The following RPS6KA6 variants were observed in gnomAD, a reference collection of about 807,000 sequenced individuals.
RPS6KA6 encodes ribosomal protein S6 kinase alpha-6.
RPS6KA6 carries 27 observed loss-of-function variants against 65.4 expected under a neutral mutation model. The ratio of observed to expected loss-of-function variants is 0.41; its 90% CI spans 0.30 to 0.57. RPS6KA6 has a LOEUF of 0.57. RPS6KA6 is among the 20% of genes least tolerant of loss of function. The pLI is 0.24. For synonymous variants in RPS6KA6, 190 were observed against 184.2 expected (o/e 1.03, Z -0.26); for missense variants, 486 against 555.6 (o/e 0.87, Z 1.26).
chrX:84,097,181 A>C (rs1399517387), intron 19 of RPS6KA6, among the ~76,000 whole-genome samples: 1 of 111,668 alleles, frequency 9.0e-6, no homozygotes, highest in African/African-American at 3.2e-5. Context: ...CTACATCCAT[A>C]AGTTTTCACT....
chrX:84,128,902 C>T (rs1445868896), intron 8 of RPS6KA6, among the ~76,000 whole-genome samples: 1 of 111,670 alleles, frequency 9.0e-6, no homozygotes, highest in Non-Finnish European at 1.9e-5. Flanking sequence ...TACAAGAAAA[C>T]ATTGGATAAA....
In RPS6KA6 at chrX:84,079,574, G is replaced by A. The variant is rs774262056; in HGVS notation, c.1972-14463C>T. On this transcript the variant is annotated intron_variant, in intron 20 of 21. Transcript: ENST00000262752. ...AGAGCCCAGCAAGCTAAGATCCACTGGCTTGAAATTCTCGCTGCCAGCACA... is the reference window on the plus strand; with the variant it reads ...AGAGCCCAGCAAGCTAAGATCCACTAGCTTGAAATTCTCGCTGCCAGCACA... 1.0e-3 allele frequency among the ~76,000 whole-genome samples: 112 copies of A among 111,716 alleles called. 1 individual carries two copies. The South Asian group carries it at 0.012, about 12-fold the overall frequency.
At chrX:84,099,277 G>A (rs1056844858) in intron 18 of RPS6KA6, among the ~76,000 whole-genome samples, 3 of 111,395 alleles carry the variant, frequency 2.7e-5, no homozygotes, top group African/African-American at 9.7e-5. Flanking sequence ...AGAAGAAACA[G>A]TCCACTTTTT....
intron 5 of RPS6KA6, 100 bp from the exon 6 acceptor site, chrX:84,145,657 C>T: frequency 2.3e-6 from 1 of 433,129 alleles, no homozygotes; most frequent in Non-Finnish European, 3.8e-6. Context: ...ACAGTATTTA[C>T]TCACATGGTT....
Position 84,063,420 on chromosome X carries a change from A to G in RPS6KA6, c.*857T>C. The G allele has an allele frequency of 9.0e-6, 1 of 111,401 alleles. No homozygotes were observed. Among genetic ancestry groups the G allele is most frequent in the Non-Finnish European group, 1.9e-5 (1 of 53,018 alleles). 9.2% of individuals were successfully genotyped at this position (111,401 alleles called of 1,213,427 possible). On this transcript the variant is annotated 3_prime_UTR_variant, in exon 22 of 22. Coordinates refer to ENST00000262752, the MANE Select transcript of RPS6KA6 (RefSeq NM_014496.5). Reference sequence around the variant, plus strand: ...TTACAATCCAATTGGTTAACTTGAAAGTCAGTTTATATAACACCAGGATAG... The same window carrying G: ...TTACAATCCAATTGGTTAACTTGAAGGTCAGTTTATATAACACCAGGATAG...
intron 20 of RPS6KA6, among the ~76,000 whole-genome samples, chrX:84,074,186 C>A (rs998178921): frequency 8.9e-6 from 1 of 111,801 alleles, no homozygotes; most frequent in Non-Finnish European, 1.9e-5. Flanking sequence ...ATACTATTGG[C>A]CAAAAGAAAT....
At chrX:84,067,413 C>T (rs1405132242) in intron 20 of RPS6KA6, among the ~76,000 whole-genome samples, 1 of 111,197 alleles carries the variant, frequency 9.0e-6, no homozygotes, top group Admixed American at 9.6e-5. Flanking sequence ...CTAGAATAAC[C>T]AGTTTAGAGA....
chrX:84,178,991 T>C (rs2035808317), intron 1 of RPS6KA6, among the ~76,000 whole-genome samples: 2 of 110,740 alleles, frequency 1.8e-5, no homozygotes, highest in African/African-American at 6.6e-5. Flanking sequence ...AGACAGACCA[T>C]GTGGGAAAAA....
At position 84,106,996 on chromosome X, in the gene RPS6KA6, T is replaced by C. The variant is rs1196180585; in HGVS notation, c.1156A>G (p.Lys386Glu). 6.7e-6 allele frequency: 8 copies of C among 1,201,465 alleles called. No individual in the cohort carries two copies. The highest frequency in any genetic ancestry group is 9.0e-6 in the Non-Finnish European group (8 of 889,778). Residue 386 changes from lysine (K) to glutamate (E), a missense_variant, in exon 14 of 22, where the codon AAA becomes GAA. Transcript: ENST00000262752. Reference sequence around the variant, plus strand: ...GAAGTTGCAACAAAGCTGAATCCTTTGAAGAGCTGATGAGCATTTGCACTG... The same window carrying C: ...GAAGTTGCAACAAAGCTGAATCCTTCGAAGAGCTGATGAGCATTTGCACTG... ...PASANAHQLF[K>E]GFSFVATSIA...
chrX:84,086,960 A>C (rs2033936045), intron 20 of RPS6KA6, among the ~76,000 whole-genome samples: 1 of 110,621 alleles, frequency 9.0e-6, no homozygotes, highest in African/African-American at 3.3e-5. Flanking sequence ...ATTTTGTCAG[A>C]AACTAGGATT....
At chrX:84,067,854 AG>A (rs1181634996) in intron 20 of RPS6KA6, among the ~76,000 whole-genome samples, 1 of 111,822 alleles carries the variant, frequency 8.9e-6, no homozygotes, top group Non-Finnish European at 1.9e-5. Context: ...AAAAATGTTA[AG>A]GGCAGCCAGA....
chrX:84,112,855 G>T (rs753763746), intron 12 of RPS6KA6, among the ~76,000 whole-genome samples: 20 of 111,290 alleles, frequency 1.8e-4, no homozygotes, highest in Admixed American at 4.8e-4. Context: ...ACCAAAAAAA[G>T]GATCAACAAA....
chrX:84,081,182 A>G (rs2033790244), intron 20 of RPS6KA6, among the ~76,000 whole-genome samples: 2 of 111,953 alleles, frequency 1.8e-5, no homozygotes, highest in Non-Finnish European at 3.8e-5. Flanking sequence ...TGAATCCAGG[A>G]GCTGGTTTTT....
At position 84,062,378 on chromosome X, in the gene RPS6KA6, T is replaced by G. The variant is rs1368564194; in HGVS notation, c.*1899A>C. On this transcript the variant is annotated 3_prime_UTR_variant, in exon 22 of 22. Coordinates refer to ENST00000262752, the MANE Select transcript of RPS6KA6 (RefSeq NM_014496.5). ...CAACACCAAAATCACACCTCTGAGT[T>G]TGACTTATCGATTCTGATAGGAAGG... The G allele has an allele frequency of 9.0e-6, 1 of 111,472 alleles. No individual in the cohort carries two copies. The allele number at this position is 111,472 out of a possible 1,213,427, so 9.2% of individuals were successfully genotyped here. A position where few individuals can be genotyped will look rare whatever the true frequency, so the allele number is the denominator to read the frequency against.
At chrX:84,078,692 G>A (rs1223230739) in intron 20 of RPS6KA6, among the ~76,000 whole-genome samples, 1 of 111,916 alleles carries the variant, frequency 8.9e-6, no homozygotes, top group African/African-American at 3.2e-5. Flanking sequence ...GCAGACTTAT[G>A]ATTTAATTTA....
intron 8 of RPS6KA6, among the ~76,000 whole-genome samples, chrX:84,120,395 A>G (rs767660067): frequency 8.1e-5 from 9 of 111,773 alleles, no homozygotes; most frequent in Non-Finnish European, 1.3e-4. Context: ...AATATTAAAA[A>G]AGCAAATTTT....
At chrX:84,099,885 A>T (rs191347526) in intron 18 of RPS6KA6, among the ~76,000 whole-genome samples, 1 of 111,547 alleles carries the variant, frequency 9.0e-6, no homozygotes, top group Admixed American at 9.5e-5. Flanking sequence ...TGCAATAATC[A>T]GTGTAGCTCT....
chrX:84,139,787 A>C (rs890113796), intron 6 of RPS6KA6, among the ~76,000 whole-genome samples: 6 of 112,361 alleles, frequency 5.3e-5, no homozygotes, highest in African/African-American at 1.9e-4. Context: ...ATGAAATGAT[A>C]CTTTTAAGAC....
At chrX:84,079,726 A>G (rs1569371590) in intron 20 of RPS6KA6, among the ~76,000 whole-genome samples, 1 of 112,343 alleles carries the variant, frequency 8.9e-6, no homozygotes, top group Non-Finnish European at 1.9e-5. Flanking sequence ...GAAACTGGGC[A>G]GAGCCCACTG....
Sources: gnomAD v4.1 joint callset for allele counts (sites outside exome capture counted in the v4.1 genomes callset) on GRCh38, gnomAD v4.1.1 for gene constraint, MANE v1.5 for transcripts, NCBI Gene and HGNC (gene_info 2026-07-23, HGNC 2026-07-21) for gene names.